The following DST variants were observed in gnomAD, a reference collection of about 807,000 sequenced individuals.
DST encodes the protein dystonin.
A neutral mutation model predicts 875.2 loss-of-function variants in DST; 253 were observed. The ratio of observed to expected loss-of-function variants is 0.29; its 90% CI spans 0.26 to 0.32. DST has a LOEUF of 0.32. Among genes scored for constraint, DST ranks in the 10% least tolerant of loss-of-function variants. DST has a pLI of 1.00. For synonymous variants in DST, 3,124 were observed against 3,197.1 expected (o/e 0.98, Z 0.77); for missense variants, 8,287 against 9,111.6 (o/e 0.91, Z 3.68).
intron 36 of DST, chr6:56,614,892 AT>A: frequency 2.0e-6 from 2 of 992,774 alleles, no homozygotes. Flanking sequence ...TGTAAGGAAA[AT>A]ACACAGAATG....
At chr6:56,558,156 T>C (rs1044740594) in intron 58 of DST, among the ~76,000 whole-genome samples, 3 of 152,182 alleles carry the variant, frequency 2.0e-5, no homozygotes, top group Non-Finnish European at 4.4e-5. Flanking sequence ...CTAACTCTAT[T>C]ATACCCTCGA....
At chr6:56,762,662 G>A (rs1319367056) in intron 4 of DST, among the ~76,000 whole-genome samples, 2 of 152,064 alleles carry the variant, frequency 1.3e-5, no homozygotes, top group East Asian at 1.9e-4. Context: ...TTGCTTAACA[G>A]AACAATGTAA....
Position 56,482,112 on chromosome 6 carries a change from G to A in DST, c.21469C>T (p.Arg7157Cys), listed in dbSNP as rs758097621. 7.4e-6 allele frequency: 12 copies of A among 1,613,392 alleles called. No homozygotes were observed. The African/African-American group carries it at 9.4e-5, about 13-fold the overall frequency. ...TCATCTGGGAGGACACCATGGAAACGCAGGGTTTGCTCCGCCTCAGCCAGC... is the reference window on the plus strand; with the variant it reads ...TCATCTGGGAGGACACCATGGAAACACAGGGTTTGCTCCGCCTCAGCCAGC... ...EWLAEAEQTL[R>C]FHGVLPDDED... The change falls in exon 90 of 104, where the codon CGT becomes TGT. Residue 7157 changes from arginine (R) to cysteine (C), a missense_variant. Physicochemically the swap from Arg to Cys is radical, Grantham distance 180. Coordinates refer to ENST00000680361, the MANE Select transcript of DST (RefSeq NM_001374736.1).
At chr6:56,844,169 AC>A (rs2099804350) in intron 4 of DST, 1 of 152,376 alleles carries the variant, frequency 6.6e-6, no homozygotes, top group African/African-American at 2.4e-5. Flanking sequence ...CAAGGAGGGC[AC>A]GGGGGTCCGC....
At chr6:56,691,881 T>C (rs2099232600) in intron 9 of DST, among the ~76,000 whole-genome samples, 2 of 152,194 alleles carry the variant, frequency 1.3e-5, no homozygotes, top group South Asian at 4.1e-4. Context: ...ACAGCAATTA[T>C]GTGAATGTTT....
At chr6:56,618,520 C>G in intron 36 of DST, 1 of 1,614,182 alleles carries the variant, frequency 6.2e-7, no homozygotes, top group Non-Finnish European at 8.5e-7. Flanking sequence ...CCTCACGCTT[C>G]TGGGCTATCA....
intron 4 of DST, among the ~76,000 whole-genome samples, chr6:56,830,716 T>C (rs1591352238): frequency 6.6e-6 from 1 of 152,352 alleles, no homozygotes; most frequent in Non-Finnish European, 1.5e-5. Context: ...CCAAAGTTTA[T>C]GGACGTGGTA....
At position 56,853,941 on chromosome 6, in the gene DST, G is replaced by T. The variant is rs576743384; in HGVS notation, c.418-2337C>A. 3.9e-5 allele frequency among the ~76,000 whole-genome samples: 6 copies of T among 151,930 alleles called. No homozygotes were observed. In the East Asian group the frequency reaches 7.7e-4, roughly 20 times the overall value. On this transcript the variant is annotated intron_variant, in intron 3 of 103. Coordinates refer to ENST00000680361, the MANE Select transcript of DST (RefSeq NM_001374736.1). ...ACCCCACACACACACACAAACTGAG[G>T]GAAATCATACATATTTATATGTGGC...
intron 2 of DST, among the ~76,000 whole-genome samples, chr6:56,941,384 A>C (rs1011490791): frequency 2.6e-5 from 4 of 152,174 alleles, no homozygotes; most frequent in Non-Finnish European, 4.4e-5. Context: ...TATAATCTGT[A>C]TTATTTCAAT....
Position 56,640,505 on chromosome 6 carries a change from T to C in DST, c.2128A>G (p.Ile710Val). 6.2e-7 allele frequency: 1 copy of C among 1,614,184 alleles called. No homozygotes were observed. The highest frequency in any genetic ancestry group is 8.5e-7 in the Non-Finnish European group (1 of 1,180,008). Reference protein sequence around the residue: ...ILTTEQTKLMISGITQSLNSG... With the variant: ...ILTTEQTKLMVSGITQSLNSG... ...TTTAAACTTTGAGTGATTCCTGATA[T>C]CATGAGCTTTGTCTGTTCTGTTGTC... The change falls in exon 18 of 104, where the codon ATA becomes GTA. Residue 710 changes from isoleucine (I) to valine (V), a missense_variant. By Grantham distance (29) the Ile-to-Val change is conservative (BLOSUM62 3). Transcript: ENST00000680361.
intron 2 of DST, among the ~76,000 whole-genome samples, chr6:56,933,321 G>C (rs1157436773): frequency 6.6e-6 from 1 of 152,204 alleles, no homozygotes. Context: ...ATTGATTTAT[G>C]ATTTTGTCTG....
chr6:56,660,514 A>C (rs1467749483), intron 10 of DST, among the ~76,000 whole-genome samples: 1 of 152,048 alleles, frequency 6.6e-6, no homozygotes, highest in African/African-American at 2.4e-5. Flanking sequence ...AGTTACCGTA[A>C]CAAATTCCTG....
intron 5 of DST, among the ~76,000 whole-genome samples, chr6:56,705,984 A>C (rs192212947): frequency 2.0e-5 from 3 of 152,364 alleles, no homozygotes; most frequent in Non-Finnish European, 4.4e-5. Flanking sequence ...AAAAAATGTT[A>C]TAACACATTT....
intron 23 of DST, among the ~76,000 whole-genome samples, chr6:56,636,271 C>A (rs928952203): frequency 2.6e-4 from 34 of 130,010 alleles, no homozygotes; most frequent in African/African-American, 1.2e-3. Flanking sequence ...CACACACAAA[C>A]ACACACACAC....
chr6:56,672,881 G>A (rs770770752), intron 9 of DST, among the ~76,000 whole-genome samples: 2 of 152,196 alleles, frequency 1.3e-5, no homozygotes, highest in Non-Finnish European at 2.9e-5. Flanking sequence ...AAAAGAATAA[G>A]TTTTTTAAAT....
rs1036860215 is a variant in DST at position 56,458,835 on chromosome 6, CA to C, written c.*169del. Reference sequence around the variant, plus strand: ...GTGACTTTAACCCCAGAATATCTGACAAAAAAAATTATACAGATAAAATAAA... The same window carrying C: ...GTGACTTTAACCCCAGAATATCTGACAAAAAAATTATACAGATAAAATAAA... On this transcript the variant is annotated 3_prime_UTR_variant, in exon 104 of 104. Transcript: ENST00000680361. 1.7e-4 allele frequency: 124 copies of C among 728,036 alleles called. No individual in the cohort carries two copies. The highest frequency in any genetic ancestry group is 5.9e-4 in the East Asian group (20 of 33,754). The allele number at this position is 728,036 out of a possible 1,614,324, so 45.1% of individuals were successfully genotyped here. A position where few individuals can be genotyped will look rare whatever the true frequency, so the allele number is the denominator to read the frequency against.
At chr6:56,543,792 T>C (rs2097177886) in intron 61 of DST, among the ~76,000 whole-genome samples, 1 of 152,222 alleles carries the variant, frequency 6.6e-6, no homozygotes, top group Non-Finnish European at 1.5e-5. Flanking sequence ...ACAGAAAAGA[T>C]GTGGGAGGAA....
chr6:56,642,308 GTAT>G, intron 16 of DST, 99 bp downstream of exon 16: 1 of 936,758 alleles, frequency 1.1e-6, no homozygotes, highest in Non-Finnish European at 1.7e-6. Context: ...TCAGTGGAGA[GTAT>G]TACGAAGAAT....
intron 92 of DST, among the ~76,000 whole-genome samples, chr6:56,475,394 A>AACACACACACAAACACAC (rs1389911774): frequency 3.6e-4 from 52 of 144,980 alleles, no homozygotes; most frequent in African/African-American, 1.3e-3. Flanking sequence ...AGGCTTTTAA[A>AACACACACACAAACACAC]ACACACACAC....
Sources: allele counts gnomAD v4.1 joint callset (sites outside exome capture counted in the v4.1 genomes callset), GRCh38; gene constraint gnomAD v4.1.1; transcripts MANE v1.5; gene names NCBI Gene and HGNC (gene_info 2026-07-23, HGNC 2026-07-21).